The following BAZ1B variants were observed in gnomAD, a reference collection of about 807,000 sequenced individuals.
The protein encoded by BAZ1B is tyrosine-protein kinase BAZ1B.
Under a neutral mutation model 153.8 loss-of-function variants are expected in BAZ1B, and 22 were observed. The ratio of observed to expected loss-of-function variants is 0.14; its 90% CI spans 0.10 to 0.20. BAZ1B has a LOEUF of 0.20. Among genes scored for constraint, BAZ1B ranks in the 10% least tolerant of loss-of-function variants. The probability of loss-of-function intolerance (pLI) is 1.00; values close to 1 mark genes in which losing one functional copy is unlikely to be tolerated. For missense variants in BAZ1B, 1,325 were observed against 1,799.3 expected, an observed-to-expected ratio of 0.74 and a Z score of 4.77; for synonymous variants, 676 against 633.4, an observed-to-expected ratio of 1.07 and a Z score of -1.01.
chr7:73,519,438 G>A (rs1015169731), intron 1 of BAZ1B, among the ~76,000 whole-genome samples: 21 of 152,046 alleles, frequency 1.4e-4, no homozygotes, highest in African/African-American at 4.8e-4. Context: ...TCCTCAAAGT[G>A]CTTCCACTTG....
chr7:73,485,625 GA>G (rs71517389), intron 6 of BAZ1B, among the ~76,000 whole-genome samples: 27,770 of 76,052 alleles, frequency 0.37, 2,884 homozygotes, highest in African/African-American at 0.44. Flanking sequence ...GCCTACCTCA[GA>G]AAAAAAAAAA....
At chr7:73,476,503 G>C (rs958713839) in intron 7 of BAZ1B, among the ~76,000 whole-genome samples, 1 of 152,308 alleles carries the variant, frequency 6.6e-6, no homozygotes, top group South Asian at 2.1e-4. Context: ...GCACGGATAA[G>C]TAATCTGCCC....
At chr7:73,511,797 G>A (rs1790589717) in intron 1 of BAZ1B, among the ~76,000 whole-genome samples, 1 of 148,846 alleles carries the variant, frequency 6.7e-6, no homozygotes, top group Non-Finnish European at 1.5e-5. Context: ...GAGGCAGGCA[G>A]ATCACCTGAA....
chr7:73,467,589 T>G (rs1788644553), intron 9 of BAZ1B, among the ~76,000 whole-genome samples: 1 of 152,080 alleles, frequency 6.6e-6, no homozygotes, highest in Non-Finnish European at 1.5e-5. Flanking sequence ...AGGCTGGTCT[T>G]TTAACTCTTG....
rs1331387591 is a variant in BAZ1B, at chr7:73,466,165, T to C, written c.2972+131A>G. 4.7e-6 allele frequency: 3 copies of C among 640,064 alleles called. No homozygotes were observed. In the African/African-American group the frequency reaches 5.5e-5, roughly 12 times the overall value. The allele number at this position is 640,064 out of a possible 1,614,324, so 39.6% of individuals were successfully genotyped here. A position where few individuals can be genotyped will look rare whatever the true frequency, so the allele number is the denominator to read the frequency against. ...TCTGCTAATGCAAGAAGTTTTGATA[T>C]CCAAAATATCAGTCACACAAAGTAT... On this transcript the variant is annotated intron_variant, in intron 10 of 19. Coordinates refer to ENST00000339594, the MANE Select transcript of BAZ1B (RefSeq NM_032408.4).
intron 4 of BAZ1B, among the ~76,000 whole-genome samples, chr7:73,497,373 C>T (rs569301484): frequency 9.2e-5 from 14 of 152,078 alleles, no homozygotes; most frequent in Non-Finnish European, 1.8e-4. Context: ...TAGTATAGTA[C>T]GTACTACAGT....
intron 3 of BAZ1B, among the ~76,000 whole-genome samples, chr7:73,505,165 A>G (rs1363112082): frequency 6.6e-6 from 1 of 152,192 alleles, no homozygotes; most frequent in Non-Finnish European, 1.5e-5. Flanking sequence ...AGCCAATAAC[A>G]TGTAAAGATA....
Position 73,493,857 on chromosome 7 carries a change from G to A in BAZ1B, c.572-936C>T, listed in dbSNP as rs868956101. Among the ~76,000 whole-genome samples, 1,373 of 143,548 alleles carry A rather than the reference G, an allele frequency of 9.6e-3. 31 individuals carry two copies. Among genetic ancestry groups the A allele is most frequent in the African/African-American group, 0.033 (1,285 of 38,706 alleles). The allele number at this position is 143,548 out of a possible 152,430, so 94.2% of individuals were successfully genotyped here. On this transcript the variant is annotated intron_variant, in intron 4 of 19. Coordinates refer to ENST00000339594, the MANE Select transcript of BAZ1B (RefSeq NM_032408.4). ...CTGTCTCCAAAAAAAAAAAAAAAAA[G>A]AGAGAGAGAGAGAATACGATATGAC...
chr7:73,460,189 AG>A (rs1272842077), intron 12 of BAZ1B, among the ~76,000 whole-genome samples: 22 of 133,704 alleles, frequency 1.6e-4, no homozygotes, highest in African/African-American at 6.3e-4. Context: ...ACTCCGTCTC[AG>A]GGAAAAAAAA....
rs1563360473 is a variant in BAZ1B, at chr7:73,443,530, C to CCT, written c.3990+453_3990+454insAG. Among the ~76,000 whole-genome samples, 103 of 64,402 alleles carry CCT rather than the reference C, an allele frequency of 1.6e-3. 1 individual carries two copies. In the Admixed American group the frequency reaches 0.017, roughly 10 times the overall value. The allele number at this position is 64,402 out of a possible 152,430, so 42.3% of individuals were successfully genotyped here. ...AAAACAAGCACCTTTTCAAGAGTTT[C>CCT]TTTTTTGTTCTTTAAAGCTCAAGTG... On this transcript the variant is annotated intron_variant, in intron 17 of 19. Coordinates refer to ENST00000339594, the MANE Select transcript of BAZ1B (RefSeq NM_032408.4).
intron 6 of BAZ1B, among the ~76,000 whole-genome samples, chr7:73,488,177 C>T (rs1789490375): frequency 6.6e-6 from 1 of 152,106 alleles, no homozygotes; most frequent in South Asian, 2.1e-4. Context: ...AAATTATCAG[C>T]CAGTATGCTG....
At chr7:73,496,656 AT>A (rs1554576431) in intron 4 of BAZ1B, among the ~76,000 whole-genome samples, 1 of 152,134 alleles carries the variant, frequency 6.6e-6, no homozygotes, top group Non-Finnish European at 1.5e-5. Flanking sequence ...CCAAATCTCA[AT>A]TGTTCAAATT....
At chr7:73,480,803 A>T (rs1056915102) in intron 6 of BAZ1B, among the ~76,000 whole-genome samples, 1 of 152,240 alleles carries the variant, frequency 6.6e-6, no homozygotes. Context: ...AAAAAAGGGT[A>T]CAGGGAAATG....
chr7:73,451,135 A>C, intron 13 of BAZ1B, 141 bp from the exon 14 acceptor site: 1 of 1,150,480 alleles, frequency 8.7e-7, no homozygotes, highest in Non-Finnish European at 1.2e-6. Context: ...TTATTCTTAT[A>C]AAAGGCTCCA....
At chr7:73,505,618 T>G (rs1048981756) in intron 3 of BAZ1B, among the ~76,000 whole-genome samples, 1 of 149,076 alleles carries the variant, frequency 6.7e-6, no homozygotes, top group Non-Finnish European at 1.5e-5. Flanking sequence ...AATTAAACAT[T>G]TGTCCTGAGA....
intron 7 of BAZ1B, among the ~76,000 whole-genome samples, chr7:73,471,824 G>A (rs1475817472): frequency 1.3e-5 from 2 of 151,070 alleles, no homozygotes; most frequent in Admixed American, 1.3e-4. Flanking sequence ...GTGAAACTGT[G>A]TATTTGTAAC....
chr7:73,474,772 G>A (rs782145615), intron 7 of BAZ1B, among the ~76,000 whole-genome samples: 17 of 152,064 alleles, frequency 1.1e-4, no homozygotes, highest in Non-Finnish European at 1.5e-4. Context: ...GCGCAACTCC[G>A]TCTCCCCCAA....
chr7:73,463,245 T>TC (rs1583899491), intron 11 of BAZ1B, 146 bp from the exon 12 acceptor site: 4 of 737,630 alleles, frequency 5.4e-6, no homozygotes, highest in East Asian at 3.0e-5. Context: ...TTTTCTTTTT[T>TC]TTTTTTTTTT....
chr7:73,503,369 T>C (rs782391890), intron 3 of BAZ1B, among the ~76,000 whole-genome samples: 11 of 152,086 alleles, frequency 7.2e-5, no homozygotes, highest in Non-Finnish European at 1.2e-4. Context: ...TAGTATCTCT[T>C]CCCTTTCCTC....
Sources: allele counts gnomAD v4.1 joint callset (sites outside exome capture counted in the v4.1 genomes callset), GRCh38; gene constraint gnomAD v4.1.1; transcripts MANE v1.5; gene names NCBI Gene and HGNC (gene_info 2026-07-23, HGNC 2026-07-21).